The following CTNND2 variants were observed in gnomAD, a reference collection of about 807,000 sequenced individuals.
The protein encoded by CTNND2 is catenin delta 2.
A neutral mutation model predicts 144.4 loss-of-function variants in CTNND2; 22 were observed. That is an observed-to-expected ratio of 0.15 (90% CI 0.11 to 0.22). CTNND2 has a LOEUF of 0.22. Among genes scored for constraint, CTNND2 ranks in the 10% least tolerant of loss-of-function variants. CTNND2 has a pLI of 1.00. For missense variants in CTNND2, 1,353 were observed against 1,618.8 expected (o/e 0.84, Z 2.82); for synonymous variants, 751 against 695.6 (o/e 1.08, Z -1.25).
chr5:11,669,298 CCT>C (rs1783747821), intron 2 of CTNND2, among the ~76,000 whole-genome samples: 1 of 152,064 alleles, frequency 6.6e-6, no homozygotes. Flanking sequence ...GGGAGGATTC[CCT>C]CTTTTTCTAT....
chr5:11,093,936 A>G (rs757335037), intron 15 of CTNND2, among the ~76,000 whole-genome samples: 42 of 152,226 alleles, frequency 2.8e-4, no homozygotes, highest in Non-Finnish European at 4.6e-4. Context: ...GCTTCATGAT[A>G]ATCTTCTGAA....
chr5:11,555,669 T>C (rs1776171645), intron 3 of CTNND2, among the ~76,000 whole-genome samples: 1 of 150,988 alleles, frequency 6.6e-6, no homozygotes, highest in Admixed American at 6.6e-5. Context: ...AGGAACAATC[T>C]CAGCATTAAA....
chr5:11,177,006 C>T (rs1463529511), intron 11 of CTNND2, among the ~76,000 whole-genome samples: 6 of 152,184 alleles, frequency 3.9e-5, no homozygotes, highest in African/African-American at 1.4e-4. Flanking sequence ...CTTACATAAA[C>T]TCTTAATAAG....
At chr5:11,391,124 T>A (rs527986521) in intron 6 of CTNND2, among the ~76,000 whole-genome samples, 2 of 128,706 alleles carry the variant, frequency 1.6e-5, no homozygotes, top group East Asian at 4.2e-4. Context: ...GTAAAAGCAA[T>A]GACAAAATGT....
chr5:10,975,345 C>G (rs1194128646), intron 21 of CTNND2, among the ~76,000 whole-genome samples: 1 of 152,088 alleles, frequency 6.6e-6, no homozygotes, highest in African/African-American at 2.4e-5. Flanking sequence ...GCACCCTATT[C>G]AACATTTAGC....
At chr5:11,770,461 AAGGGGT>A (rs1368454338) in intron 1 of CTNND2, among the ~76,000 whole-genome samples, 10 of 132,900 alleles carry the variant, frequency 7.5e-5, no homozygotes, top group African/African-American at 3.2e-4. Flanking sequence ...GGAAGGAAGG[AAGGGGT>A]AGGGGTAGGG....
chr5:11,555,238 G>A (rs1473850344), intron 3 of CTNND2, among the ~76,000 whole-genome samples: 1 of 152,140 alleles, frequency 6.6e-6, no homozygotes, highest in African/African-American at 2.4e-5. Context: ...CCAAGGAAAT[G>A]GAAGAGAAAC....
chr5:11,330,858 G>A (rs1176668784), intron 9 of CTNND2, among the ~76,000 whole-genome samples: 5 of 151,700 alleles, frequency 3.3e-5, no homozygotes, highest in Non-Finnish European at 7.4e-5. Flanking sequence ...GTCTGTGTGT[G>A]AGCCTAAGTG....
intron 2 of CTNND2, among the ~76,000 whole-genome samples, chr5:11,619,276 T>A (rs968501277): frequency 2.0e-5 from 3 of 152,058 alleles, no homozygotes; most frequent in African/African-American, 7.2e-5. Context: ...GGTGTGGTAG[T>A]GCATGCCTGT....
intron 11 of CTNND2, among the ~76,000 whole-genome samples, chr5:11,186,539 A>G (rs1331985975): frequency 1.3e-5 from 2 of 152,206 alleles, no homozygotes; most frequent in Non-Finnish European, 2.9e-5. Flanking sequence ...TTCATTGGAT[A>G]GTGTAGTTAC....
At chr5:11,525,923 G>A (rs1294860234) in intron 3 of CTNND2, among the ~76,000 whole-genome samples, 1 of 152,116 alleles carries the variant, frequency 6.6e-6, no homozygotes, top group Non-Finnish European at 1.5e-5. Context: ...TGTTCGTTTT[G>A]AGGCAGAGTC....
chr5:11,563,707 C>T (rs1776851718), intron 3 of CTNND2, among the ~76,000 whole-genome samples: 1 of 151,648 alleles, frequency 6.6e-6, no homozygotes, highest in Non-Finnish European at 1.5e-5. Context: ...TGGTTAACCC[C>T]GCTTAACAAC....
chr5:11,018,717 T>G (rs1580055131), intron 17 of CTNND2, among the ~76,000 whole-genome samples: 1 of 150,300 alleles, frequency 6.7e-6, no homozygotes, highest in South Asian at 2.1e-4. Context: ...CTTTTTTTTT[T>G]TTTTTTTTTT....
chr5:11,285,809 T>C (rs187009134), intron 9 of CTNND2, among the ~76,000 whole-genome samples: 137 of 73,494 alleles, frequency 1.9e-3, no homozygotes, highest in Admixed American at 3.0e-3. Context: ...AAGGAGGTGG[T>C]TGAGAGTTAA....
chr5:11,188,713 C>A (rs1204221861), intron 11 of CTNND2, among the ~76,000 whole-genome samples: 1 of 152,118 alleles, frequency 6.6e-6, no homozygotes, highest in Non-Finnish European at 1.5e-5. Flanking sequence ...GAGAGCCATC[C>A]CATAAGGAAG....
At chr5:11,863,173 T>C (rs1467291729) in intron 1 of CTNND2, among the ~76,000 whole-genome samples, 1 of 152,258 alleles carries the variant, frequency 6.6e-6, no homozygotes, top group Non-Finnish European at 1.5e-5. Flanking sequence ...AAAGAAATTA[T>C]GTGTTGATAT....
chr5:11,153,005 TGTA>T (rs1757882975), intron 12 of CTNND2, among the ~76,000 whole-genome samples: 1 of 152,190 alleles, frequency 6.6e-6, no homozygotes, highest in Non-Finnish European at 1.5e-5. Flanking sequence ...GGCTCATTCC[TGTA>T]ATCCCAGCAC....
chr5:11,162,951 G>A (rs1758943403), intron 11 of CTNND2, among the ~76,000 whole-genome samples: 1 of 151,904 alleles, frequency 6.6e-6, no homozygotes, highest in Non-Finnish European at 1.5e-5. Flanking sequence ...ACTGACGGAA[G>A]AGAGATTAGT....
At chr5:11,522,927 A>G (rs79057073) in intron 3 of CTNND2, among the ~76,000 whole-genome samples, 7,010 of 152,300 alleles carry the variant, frequency 0.046, 186 homozygotes, top group South Asian at 0.11. Context: ...AATTACTGTT[A>G]AAGTCAAGTT....
Sources: allele counts gnomAD v4.1 joint callset (sites outside exome capture counted in the v4.1 genomes callset), GRCh38; gene constraint gnomAD v4.1.1; transcripts MANE v1.5; gene names NCBI Gene and HGNC (gene_info 2026-07-23, HGNC 2026-07-21).